Variants in KMT2C observed in about 807,000 individuals in gnomAD.
KMT2C encodes histone-lysine N-methyltransferase 2C.
KMT2C carries 88 observed loss-of-function variants against 507.9 expected under a neutral mutation model. That is an observed-to-expected ratio of 0.17 (90% CI 0.15 to 0.21). KMT2C has a LOEUF of 0.21. Among genes scored for constraint, KMT2C ranks in the 10% least tolerant of loss-of-function variants. The probability of loss-of-function intolerance (pLI) is 1.00; values close to 1 mark genes in which losing one functional copy is unlikely to be tolerated. For missense variants in KMT2C, 4,954 were observed against 5,957.8 expected (o/e 0.83, Z 5.55); for synonymous variants, 2,049 against 2,080.8 (o/e 0.98, Z 0.42).
intron 2 of KMT2C, among the ~76,000 whole-genome samples, chr7:152,335,850 C>T (rs2096929274): frequency 6.6e-6 from 1 of 152,024 alleles, no homozygotes; most frequent in South Asian, 2.1e-4. Flanking sequence ...AGGTATACAA[C>T]CTTTTGAAAT....
chr7:152,310,540 A>G (rs966160596), intron 5 of KMT2C, among the ~76,000 whole-genome samples: 1 of 152,164 alleles, frequency 6.6e-6, no homozygotes, highest in Admixed American at 6.5e-5. Flanking sequence ...ACTCCAGCCT[A>G]TGCAACAGAG....
At chr7:152,346,996 A>G (rs1395160482) in intron 2 of KMT2C, among the ~76,000 whole-genome samples, 1 of 152,128 alleles carries the variant, frequency 6.6e-6, no homozygotes, top group Non-Finnish European at 1.5e-5. Context: ...GCGTGGTGGC[A>G]TGTGCCTATA....
chr7:152,373,605 G>C (rs549640355), intron 1 of KMT2C, among the ~76,000 whole-genome samples: 7 of 152,170 alleles, frequency 4.6e-5, no homozygotes, highest in African/African-American at 7.2e-5. Context: ...AGGCTAAAGT[G>C]TCATAATTAG....
chr7:152,175,543 C>G (rs928411405), intron 38 of KMT2C, among the ~76,000 whole-genome samples: 2 of 151,818 alleles, frequency 1.3e-5, no homozygotes, highest in African/African-American at 4.8e-5. Flanking sequence ...GTTCAACTCC[C>G]ACTTATGAGT....
At chr7:152,172,608 A>T (rs959931522) in intron 39 of KMT2C, among the ~76,000 whole-genome samples, 3 of 152,204 alleles carry the variant, frequency 2.0e-5, no homozygotes, top group Admixed American at 6.5e-5. Flanking sequence ...ATGCAGGAGA[A>T]TCGCTTGAAC....
chr7:152,172,905 G>C (rs1213802561), intron 39 of KMT2C, among the ~76,000 whole-genome samples: 2 of 151,906 alleles, frequency 1.3e-5, no homozygotes, highest in Non-Finnish European at 2.9e-5. Context: ...ATACTTTAAG[G>C]AACATATATA....
chr7:152,226,951 G>T (rs1366771689), intron 18 of KMT2C, among the ~76,000 whole-genome samples: 8 of 152,232 alleles, frequency 5.3e-5, no homozygotes, highest in Non-Finnish European at 1.2e-4. Flanking sequence ...AGACAGATCT[G>T]AGGTGTTCAG....
chr7:152,271,475 G>A (rs866838259), intron 7 of KMT2C, among the ~76,000 whole-genome samples: 5 of 151,712 alleles, frequency 3.3e-5, no homozygotes, highest in South Asian at 2.1e-4. Flanking sequence ...AGTTCGAGAC[G>A]AATCTAGCCA....
At chr7:152,378,124 T>C (rs2097343263) in intron 1 of KMT2C, among the ~76,000 whole-genome samples, 1 of 152,232 alleles carries the variant, frequency 6.6e-6, no homozygotes, top group South Asian at 2.1e-4. Flanking sequence ...TGTGAAATTG[T>C]TGAATAACAA....
intron 9 of KMT2C, among the ~76,000 whole-genome samples, chr7:152,262,098 C>T (rs573128757): frequency 2.0e-5 from 3 of 152,106 alleles, no homozygotes; most frequent in African/African-American, 7.2e-5. Flanking sequence ...ACCTCACTGG[C>T]GAGGACAGGG....
In KMT2C at chr7:152,248,274, T is replaced by A. The variant is rs770236692; in HGVS notation, c.2160A>T (p.Leu720=). Reference sequence around the variant, plus strand: ...TTTCTTTCTGTTCCTTTTCTCCTTGTAGCCTTTCTATAACCAACTGTTCCT... The same window carrying A: ...TTTCTTTCTGTTCCTTTTCTCCTTGAAGCCTTTCTATAACCAACTGTTCCT... ...CPEEQLVIER[L]QGEKEQKENS... is the part of the protein sequence containing the mutation. Residue 720 remains leucine (L), a synonymous_variant, in exon 14 of 59, where the codon CTA becomes CTT. Transcript: ENST00000262189. 31 of 1,613,794 alleles carry A rather than the reference T, an allele frequency of 1.9e-5. No individual in the cohort carries two copies. In the African/African-American group the frequency reaches 3.9e-4, roughly 20 times the overall value.
chr7:152,363,593 C>T (rs1365422099), intron 1 of KMT2C, among the ~76,000 whole-genome samples: 1 of 152,018 alleles, frequency 6.6e-6, no homozygotes, highest in African/African-American at 2.4e-5. Flanking sequence ...ACAGGGTGAC[C>T]CCTACCATGG....
chr7:152,378,356 C>T (rs6977216), intron 1 of KMT2C, among the ~76,000 whole-genome samples: 65 of 146,640 alleles, frequency 4.4e-4, no homozygotes, highest in East Asian at 8.0e-4. Context: ...GCAATCACTG[C>T]TGGGATCAGT....
intron 46 of KMT2C, among the ~76,000 whole-genome samples, chr7:152,155,650 A>G (rs1321254727): frequency 6.6e-6 from 1 of 152,190 alleles, no homozygotes; most frequent in Non-Finnish European, 1.5e-5. Context: ...AGATTATTTA[A>G]TTAGATTAAA....
At chr7:152,412,554 C>G (rs908560276) in intron 1 of KMT2C, among the ~76,000 whole-genome samples, 17 of 152,072 alleles carry the variant, frequency 1.1e-4, no homozygotes, top group African/African-American at 4.1e-4. Context: ...GCTCCGTAAA[C>G]AATTCTATTT....
intron 3 of KMT2C, among the ~76,000 whole-genome samples, chr7:152,317,012 T>C (rs1384844777): frequency 3.3e-5 from 5 of 152,188 alleles, no homozygotes; most frequent in Admixed American, 1.3e-4. Context: ...ACACTACCCA[T>C]GAGAAGCAAC....
At chr7:152,160,156 C>T (rs2092358940) in intron 43 of KMT2C, among the ~76,000 whole-genome samples, 1 of 152,080 alleles carries the variant, frequency 6.6e-6, no homozygotes, top group Non-Finnish European at 1.5e-5. Context: ...AAATACTACT[C>T]TTCCTTAGAT....
At chr7:152,295,100 T>C (rs1390404951) in intron 6 of KMT2C, among the ~76,000 whole-genome samples, 1 of 152,208 alleles carries the variant, frequency 6.6e-6, no homozygotes, top group East Asian at 1.9e-4. Context: ...ATCTAATTTA[T>C]AAAGAATCAA....
chr7:152,332,920 A>G (rs2096897783), intron 2 of KMT2C, among the ~76,000 whole-genome samples: 1 of 151,750 alleles, frequency 6.6e-6, no homozygotes, highest in African/African-American at 2.4e-5. Flanking sequence ...CCACCAATAG[A>G]CCAACGGCAA....
Sources: allele counts gnomAD v4.1 joint callset (sites outside exome capture counted in the v4.1 genomes callset), GRCh38; gene constraint gnomAD v4.1.1; transcripts MANE v1.5; gene names NCBI Gene and HGNC (gene_info 2026-07-23, HGNC 2026-07-21).